LACRT: variants seen among roughly 807,000 people sequenced by gnomAD.
LACRT encodes extracellular glycoprotein lacritin.
A neutral mutation model predicts 14.5 loss-of-function variants in LACRT; 14 were observed. The ratio of observed to expected loss-of-function variants is 0.96; its 90% confidence interval spans 0.64 to 1.51. The LOEUF is 1.51. LACRT is among the 40% of genes most tolerant of loss of function. The pLI, the probability that LACRT is intolerant of heterozygous loss-of-function variation, is 0.00. For missense variants in LACRT, 156 were observed against 161.8 expected (o/e 0.96, Z 0.19); for synonymous variants, 70 against 63.5 (o/e 1.10, Z -0.48).
intron 1 of LACRT, among the ~76,000 whole-genome samples, chr12:54,633,691 C>T (rs1023435668): frequency 6.6e-6 from 1 of 152,108 alleles, no homozygotes; most frequent in African/African-American, 2.4e-5. Context: ...AGCTCTGTGC[C>T]AAGAGATGGA....
intron 1 of LACRT, 66 bp downstream of exon 1, chr12:54,634,718 G>T: frequency 1.4e-6 from 2 of 1,401,834 alleles, no homozygotes; most frequent in Admixed American, 1.7e-5. Flanking sequence ...AGGGGTGAAG[G>T]CAGGAGTGAG....
chr12:54,630,913 A>G lies in LACRT; in HGVS notation c.396T>C (p.Ser132=). 5 of 1,612,192 alleles carry G rather than the reference A, an allele frequency of 3.1e-6. No homozygotes were observed. Among genetic ancestry groups the G allele is most frequent in the Non-Finnish European group, 4.2e-6 (5 of 1,178,386 alleles). ...EFAQKLLKKF[S]LLKPWA is the part of the protein sequence containing the mutation. ...CTTCTCATGCCCATGGTTTTAATAG[A>G]CTGAATTTCTTCAGTAATTTTTGTG... is the stretch of plus-strand genomic sequence containing the variant. Residue 132 remains serine (S), a synonymous_variant, in exon 5 of 5, where the codon AGT becomes AGC. Coordinates refer to ENST00000257867, the MANE Select transcript of LACRT (RefSeq NM_033277.2).
intron 3 of LACRT, 75 bp from the exon 4 acceptor site, chr12:54,631,914 G>GGGGGGGGGGGGGGGGCC: frequency 1.1e-6 from 1 of 951,892 alleles, no homozygotes; most frequent in Non-Finnish European, 1.7e-6. Context: ...TGCCCCACCT[G>GGGGGGGGGGGGGGGGCC]CACCCGCCCC....
intron 3 of LACRT, 42 bp from the exon 4 acceptor site, chr12:54,631,881 C>T (rs1184971445): frequency 6.9e-7 from 1 of 1,454,446 alleles, no homozygotes; most frequent in Non-Finnish European, 9.7e-7. Flanking sequence ...GAAAAATCAC[C>T]TCATTTAAAG....
intron 1 of LACRT, 109 bp from the exon 2 acceptor site, chr12:54,633,342 G>C: frequency 4.2e-6 from 4 of 956,610 alleles, no homozygotes; most frequent in Non-Finnish European, 6.5e-6. Flanking sequence ...CTCATGGATA[G>C]AAGGGGATCA....
At chr12:54,633,831 C>T (rs1476858962) in intron 1 of LACRT, among the ~76,000 whole-genome samples, 2 of 152,098 alleles carry the variant, frequency 1.3e-5, no homozygotes, top group Non-Finnish European at 2.9e-5. Flanking sequence ...GAGAAGGGCA[C>T]ATGGATCTGA....
chr12:54,633,107 C>T, intron 2 of LACRT, 73 bp downstream of exon 2: 2 of 1,443,202 alleles, frequency 1.4e-6, no homozygotes, highest in Non-Finnish European at 2.0e-6. Flanking sequence ...CTTCTTCTCC[C>T]AGCCACCACT....
intron 1 of LACRT, among the ~76,000 whole-genome samples, chr12:54,634,128 G>T (rs930006408): frequency 6.6e-6 from 1 of 152,038 alleles, no homozygotes; most frequent in African/African-American, 2.4e-5. Context: ...CAAGGCAGTC[G>T]GATCACCTGA....
Position 54,632,378 on chromosome 12 carries a change from T to A in LACRT, c.116A>T (p.Lys39Met), listed in dbSNP as rs1958158831. The A allele has an allele frequency of 6.2e-7, 1 of 1,613,796 alleles. No individual in the cohort carries two copies. Among genetic ancestry groups the A allele is most frequent in the African/African-American group, 1.3e-5 (1 of 75,002 alleles). The change falls in exon 3 of 5, where the codon AAG becomes ATG. Residue 39 changes from lysine (K) to methionine (M), a missense_variant. Coordinates refer to ENST00000257867, the MANE Select transcript of LACRT (RefSeq NM_033277.2). ...TGGACCTGAGATCTCTTCATTAGGCTTAGCTGTGAATGCACAAATTGATGG... is the reference window on the plus strand; with the variant it reads ...TGGACCTGAGATCTCTTCATTAGGCATAGCTGTGAATGCACAAATTGATGG... ...ADPAQEAGTS[K>M]PNEEISGPAE...
chr12:54,634,711 G>A (rs1187254019), intron 1 of LACRT, 73 bp downstream of exon 1: 1 of 1,322,930 alleles, frequency 7.6e-7, no homozygotes, highest in Non-Finnish European at 1.1e-6. Context: ...GGAGGAGAGG[G>A]GTGAAGGCAG....
rs552376979 is a variant in LACRT at position 54,632,714 on chromosome 12, C to A, written c.113-333G>T. 3.9e-5 allele frequency among the ~76,000 whole-genome samples: 6 copies of A among 151,914 alleles called. No individual in the cohort carries two copies. The South Asian group carries it at 1.0e-3, about 26-fold the overall frequency. On this transcript the variant is annotated intron_variant, in intron 2 of 4. Transcript: ENST00000257867. ...GGCAGGCAGTGAGTAAGAGGTCAGG[C>A]GAAGGCATGTGTGGGGAATGGAAAC...
In LACRT at chr12:54,631,719, T is replaced by C. The variant is rs760460031; in HGVS notation, c.355+19A>G. The C allele has an allele frequency of 4.4e-6, 7 of 1,576,768 alleles. No homozygotes were observed. The South Asian group carries it at 7.7e-5, about 17-fold the overall frequency. On this transcript the variant is annotated intron_variant, in intron 4 of 4. Coordinates refer to ENST00000257867, the MANE Select transcript of LACRT (RefSeq NM_033277.2). Reference sequence around the variant, plus strand: ...GAGTATTCTCATTCCCACAAAGCCTTGCCTTGGGATGCACTCACTTTCGAT... The same window carrying C: ...GAGTATTCTCATTCCCACAAAGCCTCGCCTTGGGATGCACTCACTTTCGAT...
rs777427477 is a variant in LACRT at position 54,633,214 on chromosome 12, C to T, written c.78G>A (p.Ser26=). The T allele has an allele frequency of 2.2e-5, 36 of 1,613,706 alleles. No homozygotes were observed. The highest frequency in any genetic ancestry group is 1.5e-4 in the South Asian group (14 of 91,054). The part of the protein sequence containing the change: ...LVYAEDASSD[S]TGADPAQEAG... ...CTTCCTGGGCAGGATCAGCACCCGTCGAGTCAGAGGAGGCATCTTCTGCAA... is the reference window on the plus strand; with the variant it reads ...CTTCCTGGGCAGGATCAGCACCCGTTGAGTCAGAGGAGGCATCTTCTGCAA... Residue 26 remains serine, a synonymous_variant, in exon 2 of 5, where the codon TCG becomes TCA. Coordinates refer to ENST00000257867, the MANE Select transcript of LACRT (RefSeq NM_033277.2).
At chr12:54,631,880 C>A (rs369282176) in intron 3 of LACRT, 41 bp from the exon 4 acceptor site, 125 of 1,458,994 alleles carry the variant, frequency 8.6e-5, no homozygotes, top group Non-Finnish European at 1.1e-4. Context: ...AGAAAAATCA[C>A]CTCATTTAAA....
intron 2 of LACRT, among the ~76,000 whole-genome samples, chr12:54,632,954 A>G (rs1958162965): frequency 6.6e-6 from 1 of 152,004 alleles, no homozygotes; most frequent in Non-Finnish European, 1.5e-5. Context: ...CCTTTTCCCC[A>G]TGCTCCCTAT....
Position 54,632,296 on chromosome 12 carries a change from T to C in LACRT, c.198A>G (p.Ala66=), listed in dbSNP as rs200173712. 2.0e-5 allele frequency: 33 copies of C among 1,614,058 alleles called. No homozygotes were observed. Among genetic ancestry groups the C allele is most frequent in the Non-Finnish European group, 2.7e-5 (32 of 1,180,032 alleles). ...TTTTAQETSA[A]AVQGTAKVTS... The stretch of plus-strand genomic sequence containing the variant: ...TGACCTTGGCTGTCCCCTGAACTGC[T>C]GCCGCCGAAGTCTCCTGGGCTGTTG... The change falls in exon 3 of 5, where the codon GCA becomes GCG. Residue 66 remains alanine (A), a synonymous_variant. Transcript: ENST00000257867.
chr12:54,634,262 T>G (rs7138121), intron 1 of LACRT, among the ~76,000 whole-genome samples: 78,319 of 149,056 alleles, frequency 0.53, 21,885 homozygotes, highest in African/African-American at 0.72. Context: ...TGAGGCAAGA[T>G]AATCGCTGGA....
intron 1 of LACRT, among the ~76,000 whole-genome samples, chr12:54,633,641 C>T (rs574756205): frequency 1.3e-5 from 2 of 152,176 alleles, no homozygotes; most frequent in Non-Finnish European, 2.9e-5. Flanking sequence ...GAGACCCCAG[C>T]CTTGATTCCC....
chr12:54,633,184 C>A lies in LACRT; in HGVS notation c.108G>T (p.Gly36=). The part of the protein sequence containing the change: ...STGADPAQEA[G]TSKPNEEISG... ...AGCAGGGAGAGGAGGACTCACAGGT[C>A]CCAGCTTCCTGGGCAGGATCAGCAC... The change falls in exon 2 of 5, where the codon GGG becomes GGT. Residue 36 remains glycine, a synonymous_variant. Coordinates refer to ENST00000257867, the MANE Select transcript of LACRT (RefSeq NM_033277.2). 2.5e-6 allele frequency: 4 copies of A among 1,613,900 alleles called. No homozygotes were observed. The highest frequency in any genetic ancestry group is 3.4e-6 in the Non-Finnish European group (4 of 1,179,892).
Sources: allele counts gnomAD v4.1 joint callset (sites outside exome capture counted in the v4.1 genomes callset), GRCh38; gene constraint gnomAD v4.1.1; transcripts MANE v1.5; gene names NCBI Gene and HGNC (gene_info 2026-07-23, HGNC 2026-07-21).